The following ACCSL variants were observed in gnomAD, a reference collection of about 807,000 sequenced individuals.
The protein encoded by ACCSL is 1-aminocyclopropane-1-carboxylate synthase homolog (inactive) like.
A neutral mutation model predicts 61.7 loss-of-function variants in ACCSL; 55 were observed. That is an observed-to-expected ratio of 0.89 (90% CI 0.72 to 1.12). The LOEUF (loss-of-function observed/expected upper bound fraction) is 1.12. Ranked by LOEUF, ACCSL falls within the 50% of genes most tolerant of loss-of-function variation. The pLI is 0.00. For missense variants in ACCSL, 632 were observed against 698.0 expected, an observed-to-expected ratio of 0.91 and a Z score of 1.07; for synonymous variants, 258 against 264.3, an observed-to-expected ratio of 0.98 and a Z score of 0.23.
the ACCSL span, among the ~76,000 whole-genome samples, chr11:43,968,495 CT>C: frequency 2.6e-5 from 4 of 152,112 alleles, no homozygotes; most frequent in African/African-American, 9.7e-5. Context: ...TATTTTTCTG[CT>C]TACCTTTTTG....
At chr11:44,049,982 C>A in intron 1 of ACCSL, 80 bp from the exon 2 acceptor site, 2 of 1,577,794 alleles carry the variant, frequency 1.3e-6, no homozygotes, top group South Asian at 1.1e-5. Context: ...GTGAGATCTC[C>A]ATTTGAACTA....
At chr11:43,938,822 A>T in the ACCSL span, among the ~76,000 whole-genome samples, 1 of 152,148 alleles carries the variant, frequency 6.6e-6, no homozygotes, top group African/African-American at 2.4e-5. Flanking sequence ...AATAAATAAT[A>T]AATAAAATGA....
the ACCSL span, among the ~76,000 whole-genome samples, chr11:43,977,638 G>A: frequency 1.3e-5 from 2 of 152,224 alleles, no homozygotes; most frequent in Non-Finnish European, 2.9e-5. Flanking sequence ...TCATAAATTT[G>A]TGTCATTTTG....
At chr11:44,049,419 CAAAAAAA>C (rs33944147) in intron 1 of ACCSL, among the ~76,000 whole-genome samples, 23 of 33,916 alleles carry the variant, frequency 6.8e-4, no homozygotes, top group African/African-American at 1.9e-3. Flanking sequence ...GACCCTGTCT[CAAAAAAA>C]AAAAAAAAAA....
the ACCSL span, among the ~76,000 whole-genome samples, chr11:43,931,241 C>T: frequency 0.076 from 11,514 of 152,266 alleles, 869 homozygotes; most frequent in African/African-American, 0.18. Flanking sequence ...CCTGCTGGGG[C>T]GTCATGAGTG....
the ACCSL span, among the ~76,000 whole-genome samples, chr11:44,042,718 G>A: frequency 6.6e-6 from 1 of 150,778 alleles, no homozygotes; most frequent in African/African-American, 2.4e-5. Flanking sequence ...AAATAATTAT[G>A]CAAATATCCT....
chr11:43,942,831 G>A, the ACCSL span: 5 of 1,111,432 alleles, frequency 4.5e-6, no homozygotes, highest in African/African-American at 8.3e-5. Context: ...GCCTCCCGGG[G>A]GGCCCCGGCG....
the ACCSL span, among the ~76,000 whole-genome samples, chr11:43,956,091 G>GAA: frequency 6.3e-5 from 7 of 111,924 alleles, no homozygotes; most frequent in Non-Finnish European, 1.0e-4. Context: ...AAGATTTATA[G>GAA]AAAAAAAAAA....
chr11:43,995,892 A>C, the ACCSL span, among the ~76,000 whole-genome samples: 1 of 152,334 alleles, frequency 6.6e-6, no homozygotes, highest in Non-Finnish European at 1.5e-5. Flanking sequence ...CCCTAACCCC[A>C]GAATCTGTGA....
chr11:44,055,462 C>T (rs1952665634), intron 9 of ACCSL, among the ~76,000 whole-genome samples, 171 bp downstream of exon 9: 3 of 152,216 alleles, frequency 2.0e-5, no homozygotes, highest in South Asian at 2.1e-4. Flanking sequence ...GTCTTCTAGT[C>T]TATATGCCAT....
At chr11:43,930,707 T>TA in the ACCSL span, among the ~76,000 whole-genome samples, 1 of 152,196 alleles carries the variant, frequency 6.6e-6, no homozygotes, top group Non-Finnish European at 1.5e-5. Context: ...CAGTCTCAGG[T>TA]AGTCCTTTAT....
the ACCSL span, among the ~76,000 whole-genome samples, chr11:44,004,548 C>A: frequency 0.16 from 24,310 of 152,144 alleles, 2,405 homozygotes; most frequent in East Asian, 0.28. Context: ...AGGGCATGTA[C>A]CTAGCTGTTT....
chr11:44,035,628 C>T, the ACCSL span, among the ~76,000 whole-genome samples: 1 of 152,034 alleles, frequency 6.6e-6, no homozygotes, highest in African/African-American at 2.4e-5. Context: ...ATCTGGGAGG[C>T]ATTAGAACCA....
the ACCSL span, among the ~76,000 whole-genome samples, chr11:43,990,228 T>G: frequency 6.6e-6 from 1 of 152,248 alleles, no homozygotes; most frequent in Non-Finnish European, 1.5e-5. Flanking sequence ...GACAGAGTGC[T>G]TAGGACGTTG....
the ACCSL span, among the ~76,000 whole-genome samples, chr11:44,000,138 AT>A: frequency 1.3e-5 from 2 of 151,724 alleles, no homozygotes; most frequent in East Asian, 2.0e-4. Context: ...TTCTTTTTTT[AT>A]TTTGAGATGG....
At chr11:44,030,980 C>T in the ACCSL span, among the ~76,000 whole-genome samples, 15 of 152,248 alleles carry the variant, frequency 9.9e-5, no homozygotes, top group African/African-American at 3.6e-4. Flanking sequence ...CAAGGCCTCC[C>T]AGGAACACAC....
intron 1 of ACCSL, among the ~76,000 whole-genome samples, chr11:44,049,116 G>A (rs932238125): frequency 3.3e-5 from 5 of 152,010 alleles, no homozygotes; most frequent in African/African-American, 4.8e-5. Flanking sequence ...TGGATGGGAG[G>A]TGTTAAGATG....
chr11:44,021,556 C>A, the ACCSL span, among the ~76,000 whole-genome samples: 1 of 152,066 alleles, frequency 6.6e-6, no homozygotes, highest in South Asian at 2.1e-4. Context: ...AATTTTCTCC[C>A]CCTCTGTGGA....
chr11:43,937,004 C>T, the ACCSL span, among the ~76,000 whole-genome samples: 33 of 152,284 alleles, frequency 2.2e-4, no homozygotes, highest in African/African-American at 7.9e-4. Flanking sequence ...CTTATTTTCA[C>T]TGCCCTGGGC....
Sources: gnomAD v4.1 joint callset for allele counts (sites outside exome capture counted in the v4.1 genomes callset) on GRCh38, gnomAD v4.1.1 for gene constraint, MANE v1.5 for transcripts, NCBI Gene and HGNC (gene_info 2026-07-23, HGNC 2026-07-21) for gene names.